SYBU: variants seen among roughly 807,000 people sequenced by gnomAD.
SYBU encodes the protein syntabulin, also known as GOLSYN A protein.
A neutral mutation model predicts 35.9 loss-of-function variants in SYBU; 21 were observed. That is an observed-to-expected ratio of 0.58 (90% CI 0.41 to 0.84). SYBU has a LOEUF of 0.84. SYBU is among the 40% of genes least tolerant of loss of function. The probability of loss-of-function intolerance (pLI) is 0.00; values close to 1 mark genes in which losing one functional copy is unlikely to be tolerated. For missense variants in SYBU, 768 were observed against 848.2 expected (o/e 0.91, Z 1.17); for synonymous variants, 319 against 324.3 (o/e 0.98, Z 0.18).
chr8:109,591,542 C>T (rs1372228944), intron 3 of SYBU, among the ~76,000 whole-genome samples: 7 of 116,180 alleles, frequency 6.0e-5, no homozygotes, highest in South Asian at 5.6e-4. Flanking sequence ...GACGGAGTCT[C>T]GCTCTGTGGC....
At chr8:109,602,621 A>C (rs1825665344) in intron 3 of SYBU, among the ~76,000 whole-genome samples, 1 of 151,832 alleles carries the variant, frequency 6.6e-6, no homozygotes, top group African/African-American at 2.4e-5. Flanking sequence ...TTTGGTAGAG[A>C]CAGGTTTCAT....
At chr8:109,602,670 C>T (rs552838280) in intron 3 of SYBU, among the ~76,000 whole-genome samples, 1 of 151,902 alleles carries the variant, frequency 6.6e-6, no homozygotes, top group Admixed American at 6.6e-5. Flanking sequence ...TGACCTCAAG[C>T]GATCCACCCA....
intron 2 of SYBU, among the ~76,000 whole-genome samples, chr8:109,634,756 G>T (rs955471226): frequency 1.3e-5 from 2 of 152,124 alleles, no homozygotes; most frequent in African/African-American, 4.8e-5. Context: ...TAAAGATGGG[G>T]GCACCTAACC....
At chr8:109,604,353 C>T (rs2154658) in intron 3 of SYBU, among the ~76,000 whole-genome samples, 16,795 of 152,146 alleles carry the variant, frequency 0.11, 1,172 homozygotes, top group East Asian at 0.34. Context: ...TTTCCTGGGA[C>T]CCTTCCCAGA....
chr8:109,624,183 G>T (rs1812733863), intron 2 of SYBU, among the ~76,000 whole-genome samples: 1 of 151,860 alleles, frequency 6.6e-6, no homozygotes, highest in South Asian at 2.1e-4. Flanking sequence ...CTGAGTTCAT[G>T]GTCATATAAA....
chr8:109,663,258 C>CAGATAGATAGATAGAT (rs67666534), intron 1 of SYBU, among the ~76,000 whole-genome samples: 2 of 149,028 alleles, frequency 1.3e-5, no homozygotes, highest in Non-Finnish European at 1.5e-5. Context: ...AAAATACATA[C>CAGATAGATAGATAGAT]AGATAGATAG....
upstream of SYBU, among the ~76,000 whole-genome samples, chr8:109,648,275 A>AAT (rs757131978): frequency 4.9e-3 from 704 of 144,966 alleles, 4 homozygotes; most frequent in African/African-American, 0.016. Context: ...ATATATATAT[A>AAT]ATATATATAT....
upstream of SYBU, among the ~76,000 whole-genome samples, chr8:109,685,513 C>T (rs1319170388): frequency 1.3e-5 from 2 of 152,224 alleles, no homozygotes; most frequent in Non-Finnish European, 2.9e-5. Flanking sequence ...TATAAAAAAT[C>T]AAACAGGTCC....
intron 3 of SYBU, among the ~76,000 whole-genome samples, chr8:109,589,536 G>A (rs1402854799): frequency 6.6e-6 from 1 of 152,190 alleles, no homozygotes; most frequent in Non-Finnish European, 1.5e-5. Flanking sequence ...TGCTGCAGAA[G>A]GCACTTTTCC....
intron 1 of SYBU, among the ~76,000 whole-genome samples, chr8:109,668,168 GA>G (rs1816831845): frequency 1.7e-5 from 2 of 118,208 alleles, no homozygotes; most frequent in African/African-American, 7.4e-5. Context: ...GAGAGGGGGA[GA>G]GAGAGAGAGA....
intron 1 of SYBU, among the ~76,000 whole-genome samples, chr8:109,662,878 C>G (rs1243117973): frequency 6.6e-6 from 1 of 152,106 alleles, no homozygotes; most frequent in African/African-American, 2.4e-5. Context: ...GATCATGAAC[C>G]TGAAGGCAAA....
At chr8:109,644,570 C>T (rs1443777846) in intron 1 of SYBU, 66 bp downstream of exon 1, 2 of 1,513,690 alleles carry the variant, frequency 1.3e-6, no homozygotes, top group African/African-American at 1.4e-5. Flanking sequence ...CTCATCCCGC[C>T]GCTTCTCGCC....
At chr8:109,665,189 C>T (rs4579499) in intron 1 of SYBU, among the ~76,000 whole-genome samples, 13,434 of 152,162 alleles carry the variant, frequency 0.088, 723 homozygotes, top group South Asian at 0.23. Context: ...TTTTATTTAA[C>T]TTAATATATT....
At chr8:109,592,304 T>A (rs984875126) in intron 3 of SYBU, among the ~76,000 whole-genome samples, 2 of 152,214 alleles carry the variant, frequency 1.3e-5, no homozygotes, top group African/African-American at 4.8e-5. Flanking sequence ...TGTTTTTTAA[T>A]TCTCTTTCTG....
intron 1 of SYBU, among the ~76,000 whole-genome samples, chr8:109,655,178 C>A (rs1038034541): frequency 1.3e-5 from 2 of 152,236 alleles, no homozygotes; most frequent in Admixed American, 6.5e-5. Context: ...CTACCTTGAA[C>A]ACACCTCCCA....
intron 1 of SYBU, among the ~76,000 whole-genome samples, chr8:109,653,362 T>G (rs1296422426): frequency 6.6e-6 from 1 of 152,086 alleles, no homozygotes; most frequent in Non-Finnish European, 1.5e-5. Flanking sequence ...TAAGTGCCCA[T>G]CAAATGGATC....
At chr8:109,656,931 T>C (rs1816378278) in intron 1 of SYBU, among the ~76,000 whole-genome samples, 1 of 152,252 alleles carries the variant, frequency 6.6e-6, no homozygotes, top group African/African-American at 2.4e-5. Context: ...TCATTTAATA[T>C]TAATATAGAG....
intron 5 of SYBU, 57 bp downstream of exon 5, chr8:109,579,742 G>A: frequency 6.7e-7 from 1 of 1,488,924 alleles, no homozygotes; most frequent in Admixed American, 1.8e-5. Context: ...CTTTTTTAAA[G>A]AAAAGCTTAC....
At chr8:109,674,174 C>G (rs1817092225) in intron 1 of SYBU, among the ~76,000 whole-genome samples, 1 of 150,934 alleles carries the variant, frequency 6.6e-6, no homozygotes, top group Non-Finnish European at 1.5e-5. Flanking sequence ...TCAGGAAATA[C>G]AGAGAACACC....
Sources: allele counts gnomAD v4.1 joint callset (sites outside exome capture counted in the v4.1 genomes callset), GRCh38; gene constraint gnomAD v4.1.1; transcripts MANE v1.5; gene names NCBI Gene and HGNC (gene_info 2026-07-23, HGNC 2026-07-21).